Variants in SAMD12 observed in about 807,000 individuals in gnomAD.
The protein encoded by SAMD12 is sterile alpha motif domain-containing protein 12.
Under a neutral mutation model 15.0 loss-of-function variants are expected in SAMD12, and 9 were observed. That is an observed-to-expected ratio of 0.60 (90% CI 0.36 to 1.05). SAMD12 has a LOEUF of 1.05. SAMD12 is among the 50% of genes least tolerant of loss of function. The pLI is 0.01. For missense variants in SAMD12, 230 were observed against 234.2 expected (o/e 0.98, Z 0.12); for synonymous variants, 86 against 90.1 (o/e 0.96, Z 0.25).
At chr8:118,418,487 G>C (rs1387637762) in intron 3 of SAMD12, among the ~76,000 whole-genome samples, 1 of 152,116 alleles carries the variant, frequency 6.6e-6, no homozygotes, top group Non-Finnish European at 1.5e-5. Context: ...AGGCCGAGGC[G>C]GGTGGATCAC....
intron 4 of SAMD12, among the ~76,000 whole-genome samples, chr8:118,259,834 C>T (rs1813035185): frequency 6.6e-6 from 1 of 152,062 alleles, no homozygotes; most frequent in South Asian, 2.1e-4. Context: ...TTTAGACCTG[C>T]TTATTTCTAG....
At chr8:118,540,952 C>G (rs1825969713) in intron 2 of SAMD12, among the ~76,000 whole-genome samples, 1 of 152,130 alleles carries the variant, frequency 6.6e-6, no homozygotes, top group South Asian at 2.1e-4. Context: ...AAATCAGGAT[C>G]CTTTTTCAGA....
chr8:118,248,671 A>G (rs1812752614), intron 4 of SAMD12, among the ~76,000 whole-genome samples: 1 of 152,074 alleles, frequency 6.6e-6, no homozygotes, highest in Non-Finnish European at 1.5e-5. Flanking sequence ...CCCTCTTCTG[A>G]AAACAAATGG....
At chr8:118,277,273 A>G (rs1417759266) in intron 4 of SAMD12, among the ~76,000 whole-genome samples, 2 of 152,176 alleles carry the variant, frequency 1.3e-5, no homozygotes, top group Non-Finnish European at 2.9e-5. Flanking sequence ...CTTGGTCACA[A>G]AATGCTAGTG....
At chr8:118,370,160 T>C (rs1819009995) in intron 4 of SAMD12, among the ~76,000 whole-genome samples, 1 of 152,060 alleles carries the variant, frequency 6.6e-6, no homozygotes, top group Non-Finnish European at 1.5e-5. Context: ...AAGACATTTA[T>C]GTGGCCAAAA....
At chr8:118,547,305 T>C (rs910585423) in intron 2 of SAMD12, among the ~76,000 whole-genome samples, 2 of 152,200 alleles carry the variant, frequency 1.3e-5, no homozygotes, top group African/African-American at 4.8e-5. Context: ...CCATCGCCAA[T>C]TTGTTGGCCA....
chr8:118,537,415 G>C (rs1293907362), intron 2 of SAMD12, among the ~76,000 whole-genome samples: 2 of 151,634 alleles, frequency 1.3e-5, no homozygotes, highest in African/African-American at 4.9e-5. Context: ...TCTTAGATTT[G>C]CCCCTTTGAG....
chr8:118,455,166 C>T (rs941687330), intron 2 of SAMD12, among the ~76,000 whole-genome samples: 1 of 152,064 alleles, frequency 6.6e-6, no homozygotes, highest in African/African-American at 2.4e-5. Context: ...TCCAGTGTTA[C>T]TTCTTCCAAG....
intron 4 of SAMD12, among the ~76,000 whole-genome samples, chr8:118,353,458 GA>G (rs1192069050): frequency 6.6e-6 from 1 of 151,926 alleles, no homozygotes; most frequent in Non-Finnish European, 1.5e-5. Flanking sequence ...AGAAGAGACA[GA>G]AGAGAAATTC....
intron 1 of SAMD12, among the ~76,000 whole-genome samples, chr8:118,589,723 A>T (rs62531930): frequency 6.6e-6 from 1 of 152,186 alleles, no homozygotes. Flanking sequence ...AAATATTTTT[A>T]ACTATGATAC....
rs1174823914 is a variant in SAMD12 at position 118,440,715 on chromosome 8, C to CAT, written c.193-756_193-755dup. Among the ~76,000 whole-genome samples, 22 of 150,090 alleles carry CAT rather than the reference C, an allele frequency of 1.5e-4. No individual in the cohort carries two copies. In the East Asian group the frequency reaches 3.5e-3, roughly 24 times the overall value. On this transcript the variant is annotated intron_variant, in intron 2 of 3. Coordinates refer to ENST00000314727, the MANE Select transcript of SAMD12 (RefSeq NM_207506.3). ...ACACACAAACACACACACACACACA[C>CAT]ATATAAAAACGCAGGGAGTGAGAAA...
intron 2 of SAMD12, among the ~76,000 whole-genome samples, chr8:118,553,365 A>G (rs1378012798): frequency 6.6e-6 from 1 of 151,966 alleles, no homozygotes; most frequent in Admixed American, 6.6e-5. Flanking sequence ...CAGAGCCCTC[A>G]GAAATAACGC....
rs562519647 is a variant in SAMD12, at chr8:118,338,650, T to C, written c.433+40910A>G. On this transcript the variant is annotated intron_variant, in intron 4 of 4. Coordinates refer to the SAMD12 transcript ENST00000409003. Reference sequence around the variant, plus strand: ...TCTACTTGAAGGCATTCAGAATCTATTGAGCAAAGGCAGCAAATTAACTAC... The same window carrying C: ...TCTACTTGAAGGCATTCAGAATCTACTGAGCAAAGGCAGCAAATTAACTAC... Among the ~76,000 whole-genome samples, 17 of 152,320 alleles carry C rather than the reference T, an allele frequency of 1.1e-4. No homozygotes were observed. The East Asian group carries it at 3.1e-3, about 28-fold the overall frequency.
At chr8:118,600,532 A>G (rs966918310) in intron 1 of SAMD12, among the ~76,000 whole-genome samples, 2 of 152,226 alleles carry the variant, frequency 1.3e-5, no homozygotes, top group African/African-American at 4.8e-5. Flanking sequence ...AGCAGTGCAG[A>G]CAAGATCATA....
At chr8:118,386,826 T>C (rs1416553256) in intron 3 of SAMD12, among the ~76,000 whole-genome samples, 2 of 152,142 alleles carry the variant, frequency 1.3e-5, no homozygotes, top group Non-Finnish European at 2.9e-5. Context: ...TAAGGCATGA[T>C]TGGAAATGAC....
intron 4 of SAMD12, among the ~76,000 whole-genome samples, chr8:118,254,807 G>C (rs577000781): frequency 6.6e-6 from 1 of 152,050 alleles, no homozygotes; most frequent in South Asian, 2.1e-4. Context: ...GCCCTCTCAT[G>C]CTCTGAAATT....
At chr8:118,245,363 A>T (rs989956651) in intron 4 of SAMD12, among the ~76,000 whole-genome samples, 1 of 152,104 alleles carries the variant, frequency 6.6e-6, no homozygotes, top group Non-Finnish European at 1.5e-5. Context: ...GGAACCAAAA[A>T]CATTAGGCCT....
intron 4 of SAMD12, among the ~76,000 whole-genome samples, chr8:118,252,568 T>C (rs1275418798): frequency 1.3e-5 from 2 of 152,180 alleles, no homozygotes; most frequent in East Asian, 3.9e-4. Context: ...TGTTTCATTT[T>C]CTTGCTCCCT....
chr8:118,303,474 C>T (rs1464067526), intron 4 of SAMD12, among the ~76,000 whole-genome samples: 1 of 152,204 alleles, frequency 6.6e-6, no homozygotes, highest in Non-Finnish European at 1.5e-5. Context: ...AGCCCATATT[C>T]TACTTCACGT....
Sources: allele counts gnomAD v4.1 joint callset (sites outside exome capture counted in the v4.1 genomes callset), GRCh38; gene constraint gnomAD v4.1.1; transcripts MANE v1.5; gene names NCBI Gene and HGNC (gene_info 2026-07-23, HGNC 2026-07-21).